The following CNTNAP5 variants were observed in gnomAD, a reference collection of about 807,000 sequenced individuals.
CNTNAP5 encodes the protein contactin-associated protein-like 5.
A neutral mutation model predicts 150.2 loss-of-function variants in CNTNAP5; 72 were observed. The ratio of observed to expected loss-of-function variants is 0.48; its 90% CI spans 0.40 to 0.58. The LOEUF is 0.58. CNTNAP5 is among the 20% of genes least tolerant of loss of function. CNTNAP5 has a pLI of 0.00. For missense variants in CNTNAP5, 1,636 were observed against 1,626.2 expected (o/e 1.01, Z -0.10); for synonymous variants, 672 against 619.8 (o/e 1.08, Z -1.25).
At chr2:124,776,666 C>T (rs372009238) in intron 17 of CNTNAP5, among the ~76,000 whole-genome samples, 10 of 152,136 alleles carry the variant, frequency 6.6e-5, no homozygotes, top group East Asian at 3.9e-4. Context: ...TCCTGAAGCA[C>T]GCCTGTAGTG....
intron 3 of CNTNAP5, among the ~76,000 whole-genome samples, chr2:124,392,701 AAAAAAAAAAGG>A (rs1407800728): frequency 3.4e-5 from 5 of 145,978 alleles, no homozygotes; most frequent in South Asian, 4.2e-4. Context: ...AAAAAAAAAA[AAAAAAAAAAGG>A]AAAAGAAGGA....
chr2:124,451,887 G>A (rs1482701700), intron 6 of CNTNAP5, among the ~76,000 whole-genome samples: 1 of 152,160 alleles, frequency 6.6e-6, no homozygotes, highest in Admixed American at 6.5e-5. Flanking sequence ...GAGGAAAAAG[G>A]AGGAAAATCC....
At chr2:124,379,498 T>G (rs1352039034) in intron 3 of CNTNAP5, among the ~76,000 whole-genome samples, 1 of 152,164 alleles carries the variant, frequency 6.6e-6, no homozygotes, top group Non-Finnish European at 1.5e-5. Flanking sequence ...CTTATTCCTT[T>G]TAAGTGCTGA....
At chr2:124,812,885 A>C (rs559574939) in intron 19 of CNTNAP5, among the ~76,000 whole-genome samples, 2 of 152,136 alleles carry the variant, frequency 1.3e-5, no homozygotes, top group South Asian at 4.2e-4. Context: ...ATCTATGATC[A>C]CTCATATTTC....
At chr2:124,071,865 T>A (rs1158228376) in intron 1 of CNTNAP5, among the ~76,000 whole-genome samples, 2 of 151,786 alleles carry the variant, frequency 1.3e-5, no homozygotes, top group Non-Finnish European at 2.9e-5. Context: ...TCAAATTAAT[T>A]CTAAGAGGCC....
Position 124,863,462 on chromosome 2 carries a change from C to T in CNTNAP5, c.3218-1844C>T, listed in dbSNP as rs142304328. 7.4e-3 allele frequency among the ~76,000 whole-genome samples: 1,131 copies of T among 152,180 alleles called. 9 individuals carry two copies. Among genetic ancestry groups the T allele is most frequent in the Non-Finnish European group, 0.011 (723 of 68,016 alleles). Reference sequence around the variant, plus strand: ...GTAAAATAACAAAAATAATAATATCCGGAAATCTGCGTGGTCAGAACCACA... The same window carrying T: ...GTAAAATAACAAAAATAATAATATCTGGAAATCTGCGTGGTCAGAACCACA... On this transcript the variant is annotated intron_variant, in intron 19 of 23. Coordinates refer to ENST00000682447, the MANE Select transcript of CNTNAP5 (RefSeq NM_001367498.1).
chr2:124,688,270 T>A (rs1226904979), intron 13 of CNTNAP5, among the ~76,000 whole-genome samples: 1 of 152,086 alleles, frequency 6.6e-6, no homozygotes, highest in East Asian at 1.9e-4. Context: ...GGAATAAAGT[T>A]TTTTTAAAAA....
At chr2:124,491,623 C>T (rs1694029397) in intron 7 of CNTNAP5, among the ~76,000 whole-genome samples, 1 of 152,066 alleles carries the variant, frequency 6.6e-6, no homozygotes, top group Admixed American at 6.6e-5. Flanking sequence ...AGTGGAATTG[C>T]TAATATGGCA....
intron 3 of CNTNAP5, among the ~76,000 whole-genome samples, chr2:124,361,822 T>A (rs1690208470): frequency 6.6e-6 from 1 of 152,186 alleles, no homozygotes; most frequent in Non-Finnish European, 1.5e-5. Flanking sequence ...CTCCTTGAGC[T>A]GTGGTGAGCT....
At chr2:124,413,446 G>A (rs1367442336) in intron 3 of CNTNAP5, among the ~76,000 whole-genome samples, 1 of 135,206 alleles carries the variant, frequency 7.4e-6, no homozygotes, top group African/African-American at 2.8e-5. Context: ...GTTTATTGCG[G>A]CATTATTCAC....
chr2:124,149,578 G>A (rs1684354012), intron 1 of CNTNAP5, among the ~76,000 whole-genome samples: 1 of 152,018 alleles, frequency 6.6e-6, no homozygotes, highest in South Asian at 2.1e-4. Context: ...CTTCTCTTTA[G>A]CTAAGAAATT....
At chr2:124,194,756 T>C (rs567827678) in intron 1 of CNTNAP5, among the ~76,000 whole-genome samples, 1 of 151,206 alleles carries the variant, frequency 6.6e-6, no homozygotes, top group Admixed American at 6.6e-5. Context: ...TTACACATAA[T>C]GTAGTAACAA....
At chr2:124,259,475 C>T (rs1194522778) in intron 3 of CNTNAP5, among the ~76,000 whole-genome samples, 3 of 152,172 alleles carry the variant, frequency 2.0e-5, no homozygotes, top group South Asian at 2.1e-4. Flanking sequence ...GTCCCACCAA[C>T]AGTGTAAAAG....
At chr2:124,478,655 C>T (rs903817538) in intron 7 of CNTNAP5, among the ~76,000 whole-genome samples, 1 of 152,088 alleles carries the variant, frequency 6.6e-6, no homozygotes. Flanking sequence ...CTTAAAGTTT[C>T]CCCCAAAGAC....
At chr2:124,496,291 C>T (rs944854810) in intron 7 of CNTNAP5, among the ~76,000 whole-genome samples, 6 of 152,106 alleles carry the variant, frequency 3.9e-5, no homozygotes, top group East Asian at 1.9e-4. Flanking sequence ...TTGCTGACAG[C>T]GTGCCAGTCA....
intron 6 of CNTNAP5, among the ~76,000 whole-genome samples, chr2:124,453,716 G>A (rs1267853407): frequency 6.6e-6 from 1 of 152,154 alleles, no homozygotes; most frequent in Non-Finnish European, 1.5e-5. Flanking sequence ...AGAAGGGATT[G>A]GGGCCTTATC....
chr2:124,797,134 T>A (rs969317436), intron 18 of CNTNAP5, among the ~76,000 whole-genome samples: 4 of 152,200 alleles, frequency 2.6e-5, no homozygotes, highest in African/African-American at 9.6e-5. Flanking sequence ...GTAGGTGTTA[T>A]GATTCCCATT....
chr2:124,474,890 A>T lies in CNTNAP5; in HGVS notation c.1062+8A>T, dbSNP rs763899221. 2.5e-6 allele frequency: 4 copies of T among 1,592,154 alleles called. No homozygotes were observed. Among genetic ancestry groups the T allele is most frequent in the Non-Finnish European group, 3.4e-6 (4 of 1,173,320 alleles). On this transcript the variant is annotated splice_region_variant and intron_variant, in intron 7 of 23. Transcript: ENST00000682447. Reference sequence around the variant, plus strand: ...CATCAGATCTATACTGTGGTAAGTCAGCCCATCTGTTTTGTCTTGATGGTT... The same window carrying T: ...CATCAGATCTATACTGTGGTAAGTCTGCCCATCTGTTTTGTCTTGATGGTT...
intron 7 of CNTNAP5, among the ~76,000 whole-genome samples, chr2:124,488,374 G>C (rs911756335): frequency 6.6e-6 from 1 of 152,064 alleles, no homozygotes. Flanking sequence ...AAAGTGGATA[G>C]CTCTTTGTGG....
Sources: gnomAD v4.1 joint callset for allele counts (sites outside exome capture counted in the v4.1 genomes callset) on GRCh38, gnomAD v4.1.1 for gene constraint, MANE v1.5 for transcripts, NCBI Gene and HGNC (gene_info 2026-07-23, HGNC 2026-07-21) for gene names.